SMIM20: variants seen among roughly 807,000 people sequenced by gnomAD.
The protein encoded by SMIM20 is small integral membrane protein 20.
SMIM20 carries 3 observed loss-of-function variants against 8.7 expected under a neutral mutation model. The ratio of observed to expected loss-of-function variants is 0.34; its 90% confidence interval spans 0.16 to 0.89. SMIM20 has a LOEUF of 0.89. SMIM20 is among the 40% of genes least tolerant of loss of function. SMIM20 has a pLI of 0.49. For synonymous variants in SMIM20, 44 were observed against 33.6 expected (o/e 1.31, Z -1.07); for missense variants, 85 against 84.8 (o/e 1.00, Z -0.01).
Position 25,929,485 on chromosome 4 carries a change from T to TA in SMIM20, c.*295dup. The TA allele has an allele frequency of 2.9e-6, 1 of 350,236 alleles. No homozygotes were observed. The allele number at this position is 350,236 out of a possible 1,614,324, so 21.7% of individuals were successfully genotyped here. On this transcript the variant is annotated 3_prime_UTR_variant, in exon 3 of 3. Coordinates refer to ENST00000506197, the MANE Select transcript of SMIM20 (RefSeq NM_001145432.3). ...GGGTTTGGAGGAGCAATCTGCTTAT[T>TA]ATTCTGTCGTTACCACTTACTCAAG... is the stretch of plus-strand genomic sequence containing the variant.
chr4:25,914,250 C>T lies in SMIM20; in HGVS notation c.-64C>T, dbSNP rs1398459659. On this transcript the variant is annotated 5_prime_UTR_variant, in exon 1 of 3. Transcript: ENST00000506197. ...CCGAGCGGGGTCACGGCCCGGCCGT[C>T]GGTAACCTGGTTTCCGAGAGTGCCG... The T allele has an allele frequency of 5.9e-6, 9 of 1,514,452 alleles. No individual in the cohort carries two copies. Among genetic ancestry groups the T allele is most frequent in the Non-Finnish European group, 8.0e-6 (9 of 1,125,056 alleles). 93.8% of individuals were successfully genotyped at this position (1,514,452 alleles called of 1,614,324 possible).
chr4:25,917,072 G>A (rs1323428308), intron 1 of SMIM20, among the ~76,000 whole-genome samples: 1 of 152,124 alleles, frequency 6.6e-6, no homozygotes, highest in Non-Finnish European at 1.5e-5. Context: ...TGGACAAACT[G>A]AGGTGTGAAA....
chr4:25,929,453 C>G lies in SMIM20; in HGVS notation c.*262C>G. 2 of 428,554 alleles carry G rather than the reference C, an allele frequency of 4.7e-6. No homozygotes were observed. Among genetic ancestry groups the G allele is most frequent in the Non-Finnish European group, 4.1e-6 (1 of 241,640 alleles). 26.5% of individuals were successfully genotyped at this position (428,554 alleles called of 1,614,324 possible). Reference sequence around the variant, plus strand: ...ATTTTCCAAAAATGAAGCTATCTCACCCAGCTGGGTTTGGAGGAGCAATCT... The same window carrying G: ...ATTTTCCAAAAATGAAGCTATCTCAGCCAGCTGGGTTTGGAGGAGCAATCT... On this transcript the variant is annotated 3_prime_UTR_variant, in exon 3 of 3. Coordinates refer to ENST00000506197, the MANE Select transcript of SMIM20 (RefSeq NM_001145432.3).
rs757144598 is a variant in SMIM20 at position 25,914,302 on chromosome 4, G to T, written c.-12G>T. On this transcript the variant is annotated 5_prime_UTR_variant, in exon 1 of 3. Transcript: ENST00000506197. ...GCGGTCGGCGGGTCAGGGCAGCCCG[G>T]GGCCTGACGCCATGTCCCGGAACCT... 3.7e-4 allele frequency: 576 copies of T among 1,549,028 alleles called. No individual in the cohort carries two copies. Among genetic ancestry groups the T allele is most frequent in the Non-Finnish European group, 4.7e-4 (542 of 1,145,270 alleles).
rs1018553633 is a variant in SMIM20 at position 25,915,859 on chromosome 4, C to CG, written c.109+1447dup. Reference sequence around the variant, plus strand: ...TTGCTTGTCACAACTTGGGATGGGGCGGGGGGGGGGTCGAGTGTTGCTACT... The same window carrying CG: ...TTGCTTGTCACAACTTGGGATGGGGCGGGGGGGGGGGTCGAGTGTTGCTACT... On this transcript the variant is annotated intron_variant, in intron 1 of 2. Transcript: ENST00000506197. 1.8e-3 allele frequency among the ~76,000 whole-genome samples: 72 copies of CG among 40,254 alleles called. No homozygotes were observed. The South Asian group carries it at 0.026, about 14-fold the overall frequency. 26.4% of individuals were successfully genotyped at this position (40,254 alleles called of 152,430 possible). A position where few individuals can be genotyped will look rare whatever the true frequency, so the allele number is the denominator to read the frequency against.
chr4:25,916,009 T>G (rs1334815558), intron 1 of SMIM20, among the ~76,000 whole-genome samples: 1 of 152,102 alleles, frequency 6.6e-6, no homozygotes, highest in African/African-American at 2.4e-5. Context: ...AAACCCTGCT[T>G]GAGATGAAAT....
At chr4:25,925,514 G>A (rs934806721) in intron 1 of SMIM20, among the ~76,000 whole-genome samples, 12 of 152,182 alleles carry the variant, frequency 7.9e-5, no homozygotes, top group Non-Finnish European at 1.6e-4. Context: ...TAGGATTACA[G>A]GTGTGAGCCA....
intron 2 of SMIM20, 117 bp downstream of exon 2, chr4:25,928,486 G>T: frequency 1.0e-6 from 1 of 990,586 alleles, no homozygotes; most frequent in Non-Finnish European, 1.4e-6. Flanking sequence ...TTAGAGACAA[G>T]ATTGTGATTT....
At position 25,914,290 on chromosome 4, in the gene SMIM20, C is replaced by A. The variant is rs1266042649; in HGVS notation, c.-24C>A. 9.7e-6 allele frequency: 15 copies of A among 1,543,604 alleles called. No individual in the cohort carries two copies. Among genetic ancestry groups the A allele is most frequent in the Admixed American group, 2.0e-5 (1 of 49,920 alleles). ...CGAGAGTGCCGGGCGGTCGGCGGGT[C>A]AGGGCAGCCCGGGGCCTGACGCCAT... On this transcript the variant is annotated 5_prime_UTR_variant, in exon 1 of 3. Transcript: ENST00000506197.
chr4:25,919,088 T>C (rs1719150855), intron 1 of SMIM20, among the ~76,000 whole-genome samples: 1 of 148,508 alleles, frequency 6.7e-6, no homozygotes, highest in Non-Finnish European at 1.5e-5. Context: ...GTATTTTTAG[T>C]AGAGACGGGG....
At chr4:25,923,168 T>A (rs758134295) in intron 1 of SMIM20, among the ~76,000 whole-genome samples, 10 of 152,190 alleles carry the variant, frequency 6.6e-5, no homozygotes, top group Non-Finnish European at 1.3e-4. Context: ...CTGCTGTACT[T>A]CTGGAGGGAG....
rs952256702 is a variant in SMIM20 at position 25,928,333 on chromosome 4, C to T, written c.130C>T (p.Arg44Trp). The change falls in exon 2 of 3, where the codon CGG (arginine) becomes TGG (tryptophan). Residue 44 changes from arginine to tryptophan, a missense_variant. Coordinates refer to ENST00000506197, the MANE Select transcript of SMIM20 (RefSeq NM_001145432.3). ...CTCAGAGAAGGAACAAGCTATAAATCGGGCTGGAATTGTTCAAGAGGATGT... is the reference window on the plus strand; with the variant it reads ...CTCAGAGAAGGAACAAGCTATAAATTGGGCTGGAATTGTTCAAGAGGATGT... ...EEYKKEQAIN[R>W]AGIVQEDVQP... is the part of the protein sequence containing the mutation. 1.4e-5 allele frequency: 22 copies of T among 1,549,436 alleles called. No individual in the cohort carries two copies. The highest frequency in any genetic ancestry group is 5.9e-5 in the Admixed American group (3 of 50,702).
At chr4:25,918,024 G>A (rs1290592486) in intron 1 of SMIM20, among the ~76,000 whole-genome samples, 2 of 147,404 alleles carry the variant, frequency 1.4e-5, no homozygotes, top group African/African-American at 5.0e-5. Flanking sequence ...CTCACTGCAA[G>A]CTCCGCCTCC....
chr4:25,922,804 C>T (rs1123943), intron 1 of SMIM20, among the ~76,000 whole-genome samples: 101,071 of 152,006 alleles, frequency 0.66, 34,367 homozygotes, highest in African/African-American at 0.81. Flanking sequence ...CAGATCAGTC[C>T]GGGCCCTTCA....
intron 1 of SMIM20, among the ~76,000 whole-genome samples, chr4:25,925,115 C>G (rs141195112): frequency 6.6e-6 from 1 of 152,090 alleles, no homozygotes; most frequent in South Asian, 2.1e-4. Flanking sequence ...AAATCCAAAC[C>G]AATTCTGTTC....
intron 1 of SMIM20, among the ~76,000 whole-genome samples, chr4:25,918,242 CA>C (rs1352641477): frequency 6.6e-6 from 1 of 151,890 alleles, no homozygotes; most frequent in Admixed American, 6.6e-5. Context: ...GCGCCTGGCC[CA>C]GGTCAGTTTT....
At chr4:25,916,937 A>G (rs1013022285) in intron 1 of SMIM20, among the ~76,000 whole-genome samples, 1 of 152,168 alleles carries the variant, frequency 6.6e-6, no homozygotes, top group African/African-American at 2.4e-5. Flanking sequence ...TGAACAGGTA[A>G]TATTTGTGGG....
In SMIM20 at chr4:25,914,230, C is replaced by A; in HGVS notation, c.-84C>A. On this transcript the variant is annotated 5_prime_UTR_variant, in exon 1 of 3. Coordinates refer to ENST00000506197, the MANE Select transcript of SMIM20 (RefSeq NM_001145432.3). ...CGAAAGCCTCTCCACCTCTTCCGAGCGGGGTCACGGCCCGGCCGTCGGTAA... is the reference window on the plus strand; with the variant it reads ...CGAAAGCCTCTCCACCTCTTCCGAGAGGGGTCACGGCCCGGCCGTCGGTAA... The A allele has an allele frequency of 6.7e-7, 1 of 1,500,776 alleles. No individual in the cohort carries two copies. The allele number at this position is 1,500,776 out of a possible 1,614,324, so 93.0% of individuals were successfully genotyped here. A position where few individuals can be genotyped will look rare whatever the true frequency, so the allele number is the denominator to read the frequency against.
chr4:25,914,512 T>C (rs1265614829), intron 1 of SMIM20, 90 bp downstream of exon 1: 2 of 1,282,582 alleles, frequency 1.6e-6, no homozygotes, highest in Middle Eastern at 2.0e-4. Context: ...TGGAAAGAAC[T>C]TGGCTCGAGG....
Sources: allele counts gnomAD v4.1 joint callset (sites outside exome capture counted in the v4.1 genomes callset), GRCh38; gene constraint gnomAD v4.1.1; transcripts MANE v1.5; gene names NCBI Gene and HGNC (gene_info 2026-07-23, HGNC 2026-07-21).